The following RMST variants were observed in gnomAD, a reference collection of about 807,000 sequenced individuals.
The protein encoded by RMST is long intergenic non-protein coding RNA 54.
At chr12:97,520,191 T>C (rs1005290442) in intron 10 of RMST, among the ~76,000 whole-genome samples, 1 of 152,156 alleles carries the variant, frequency 6.6e-6, no homozygotes, top group East Asian at 1.9e-4. Flanking sequence ...TTTAGTACAA[T>C]AGTGGAACGT....
chr12:97,527,326 G>T (rs190203690), intron 10 of RMST, among the ~76,000 whole-genome samples: 114 of 152,196 alleles, frequency 7.5e-4, no homozygotes, highest in South Asian at 4.1e-4. Context: ...TGCTTCAACC[G>T]TTAAAACATT....
chr12:97,483,023 G>C (rs553425260), intron 5 of RMST, among the ~76,000 whole-genome samples: 4 of 151,826 alleles, frequency 2.6e-5, no homozygotes, highest in South Asian at 2.1e-4. Flanking sequence ...CACGGCTCAC[G>C]GGACAGTCAT....
At chr12:97,536,627 A>G (rs1304671337) in intron 11 of RMST, among the ~76,000 whole-genome samples, 4 of 151,514 alleles carry the variant, frequency 2.6e-5, no homozygotes, top group Non-Finnish European at 5.9e-5. Flanking sequence ...TACCATTAAG[A>G]TAAAAGTAGG....
At chr12:97,561,084 C>T (rs1438918896) in intron 13 of RMST, 3 of 152,160 alleles carry the variant, frequency 2.0e-5, no homozygotes, top group Non-Finnish European at 2.9e-5. Context: ...GTTTGGTTAG[C>T]GTATAATCAT....
chr12:97,491,385 C>T (rs7138358), intron 5 of RMST, among the ~76,000 whole-genome samples: 73,085 of 152,006 alleles, frequency 0.48, 18,175 homozygotes, highest in Middle Eastern at 0.62. Flanking sequence ...GTCGAGGGCA[C>T]GGTACTGTCA....
chr12:97,502,195 C>A (rs908972984), intron 10 of RMST, among the ~76,000 whole-genome samples: 19 of 152,040 alleles, frequency 1.2e-4, no homozygotes, highest in African/African-American at 4.6e-4. Context: ...AATTGGTGAC[C>A]TTAGTGTCCT....
chr12:97,552,925 G>T (rs149278743), intron 11 of RMST, among the ~76,000 whole-genome samples: 5 of 152,140 alleles, frequency 3.3e-5, no homozygotes, highest in Non-Finnish European at 7.3e-5. Flanking sequence ...CAGACAGAAG[G>T]GGGTAAGAGT....
intron 6 of RMST, chr12:97,492,812 C>T (rs1877000444): frequency 6.6e-6 from 1 of 152,010 alleles, no homozygotes; most frequent in Admixed American, 6.6e-5. Flanking sequence ...CTCATCAAAG[C>T]TTTAGATTTT....
At chr12:97,480,089 C>CTTTTTTTTTTTTTTTTTT (rs369247317) in intron 5 of RMST, among the ~76,000 whole-genome samples, 1 of 90,966 alleles carries the variant, frequency 1.1e-5, no homozygotes, top group African/African-American at 3.8e-5. Flanking sequence ...TTTCTTTTTT[C>CTTTTTTTTTTTTTTTTTT]TTTTTTTTTC....
intron 10 of RMST, among the ~76,000 whole-genome samples, chr12:97,522,985 A>G (rs1355970406): frequency 6.6e-6 from 1 of 152,216 alleles, no homozygotes; most frequent in East Asian, 1.9e-4. Flanking sequence ...CAATAGGCAA[A>G]TAATAATGGA....
chr12:97,492,800 A>C (rs953488180), intron 6 of RMST: 1 of 152,136 alleles, frequency 6.6e-6, no homozygotes, highest in African/African-American at 2.4e-5. Flanking sequence ...AAGGTCCTCT[A>C]TCTCATCAAA....
chr12:97,478,865 T>C (rs1874869202), intron 5 of RMST, among the ~76,000 whole-genome samples: 1 of 152,250 alleles, frequency 6.6e-6, no homozygotes, highest in South Asian at 2.1e-4. Flanking sequence ...GAGCCTGCCA[T>C]CCTAGGACCA....
chr12:97,522,315 G>A (rs765832446), intron 10 of RMST, among the ~76,000 whole-genome samples: 7 of 152,276 alleles, frequency 4.6e-5, no homozygotes, highest in Admixed American at 1.3e-4. Flanking sequence ...CTTCCTAATA[G>A]TAAATAACTG....
intron 5 of RMST, among the ~76,000 whole-genome samples, chr12:97,477,659 C>T (rs150524124): frequency 1.2e-3 from 180 of 152,278 alleles, no homozygotes; most frequent in African/African-American, 3.7e-3. Flanking sequence ...AGTAAGAATA[C>T]GCAGGATCCC....
At chr12:97,498,760 T>C (rs565527308) in intron 10 of RMST, among the ~76,000 whole-genome samples, 40 of 152,296 alleles carry the variant, frequency 2.6e-4, no homozygotes, top group African/African-American at 9.4e-4. Context: ...TGCCTCTCTG[T>C]TTTTCTCTAC....
chr12:97,491,951 C>T (rs375938597), intron 5 of RMST: 14 of 533,880 alleles, frequency 2.6e-5, no homozygotes, highest in South Asian at 5.6e-5. Flanking sequence ...CTGAACAGAG[C>T]GCTTTGCTCA....
chr12:97,472,049 C>T (rs1402778927), intron 5 of RMST, among the ~76,000 whole-genome samples: 3 of 152,010 alleles, frequency 2.0e-5, no homozygotes, highest in African/African-American at 7.2e-5. Flanking sequence ...CTGGAGTCCT[C>T]TGTTTTGTTA....
chr12:97,512,556 G>A (rs963797867), intron 10 of RMST, among the ~76,000 whole-genome samples: 3 of 152,230 alleles, frequency 2.0e-5, no homozygotes, highest in African/African-American at 7.2e-5. Flanking sequence ...TAGATACAGA[G>A]TGTTGATTGG....
At chr12:97,504,318 C>T (rs1224725707) in intron 10 of RMST, among the ~76,000 whole-genome samples, 1 of 150,048 alleles carries the variant, frequency 6.7e-6, no homozygotes, top group Non-Finnish European at 1.5e-5. Flanking sequence ...GCAGGAAAAT[C>T]GCTTAAACCT....
Sources: gnomAD v4.1 joint callset for allele counts (sites outside exome capture counted in the v4.1 genomes callset) on GRCh38, gnomAD v4.1.1 for gene constraint, MANE v1.5 for transcripts, NCBI Gene and HGNC (gene_info 2026-07-23, HGNC 2026-07-21) for gene names.